NAV2: variants seen among roughly 807,000 people sequenced by gnomAD.
The protein encoded by NAV2 is neuron navigator 2, also known as helicase, APC down-regulated 1.
Under a neutral mutation model 223.2 loss-of-function variants are expected in NAV2, and 54 were observed. The ratio of observed to expected loss-of-function variants is 0.24; its 90% confidence interval spans 0.19 to 0.30. The LOEUF (loss-of-function observed/expected upper bound fraction) is 0.30, where lower values mean the gene tolerates loss of function less well. NAV2 is among the 10% of genes least tolerant of loss of function. The pLI is 1.00. For synonymous variants in NAV2, 1,279 were observed against 1,239.3 expected (o/e 1.03, Z -0.67); for missense variants, 2,806 against 3,147.5 (o/e 0.89, Z 2.60).
At chr11:19,991,780 T>C (rs1000470186) in intron 11 of NAV2, among the ~76,000 whole-genome samples, 5 of 152,110 alleles carry the variant, frequency 3.3e-5, no homozygotes, top group African/African-American at 4.8e-5. Flanking sequence ...TTGTCCTTGC[T>C]TTTCCCTCCT....
chr11:20,001,958 G>C (rs10833219), intron 11 of NAV2, among the ~76,000 whole-genome samples: 10,462 of 152,198 alleles, frequency 0.069, 482 homozygotes, highest in East Asian at 0.14. Context: ...CACACATTGT[G>C]TGGCTATAAG....
intron 1 of NAV2, among the ~76,000 whole-genome samples, chr11:19,551,220 T>C (rs1219730683): frequency 1.3e-5 from 2 of 152,266 alleles, no homozygotes; most frequent in Non-Finnish European, 2.9e-5. Flanking sequence ...TTTACTACAA[T>C]TTATGCAAGA....
At chr11:19,852,205 G>A (rs1157573383) in intron 3 of NAV2, among the ~76,000 whole-genome samples, 1 of 152,210 alleles carries the variant, frequency 6.6e-6, no homozygotes, top group Non-Finnish European at 1.5e-5. Context: ...ATTTGTTGCA[G>A]CAGCAATAGG....
intron 1 of NAV2, among the ~76,000 whole-genome samples, chr11:19,375,850 T>C (rs1412441764): frequency 6.6e-6 from 1 of 152,202 alleles, no homozygotes; most frequent in Admixed American, 6.5e-5. Flanking sequence ...GTGTTTACGA[T>C]CATTTTATTA....
intron 22 of NAV2, among the ~76,000 whole-genome samples, chr11:20,074,922 G>A (rs1336690350): frequency 2.0e-5 from 3 of 151,934 alleles, no homozygotes. Flanking sequence ...TTTTGATTGG[G>A]GCATTTAGCC....
At chr11:19,460,443 AC>A (rs1252820538) in intron 1 of NAV2, among the ~76,000 whole-genome samples, 1 of 152,226 alleles carries the variant, frequency 6.6e-6, no homozygotes, top group African/African-American at 2.4e-5. Flanking sequence ...CCCACCTGGC[AC>A]ATGGTGGGTG....
chr11:19,787,103 T>G (rs921066985), intron 1 of NAV2, among the ~76,000 whole-genome samples: 8 of 151,962 alleles, frequency 5.3e-5, no homozygotes, highest in Non-Finnish European at 1.5e-5. Flanking sequence ...TTATTTTATT[T>G]TTTTTGAGAT....
intron 1 of NAV2, among the ~76,000 whole-genome samples, chr11:19,600,470 C>T (rs775039359): frequency 3.3e-5 from 5 of 152,236 alleles, no homozygotes; most frequent in Non-Finnish European, 7.3e-5. Context: ...CCTATAACCT[C>T]TAGCCAGTTA....
intron 1 of NAV2, among the ~76,000 whole-genome samples, chr11:19,438,194 A>G (rs1431143879): frequency 2.0e-5 from 3 of 152,176 alleles, no homozygotes; most frequent in Admixed American, 6.5e-5. Flanking sequence ...TTGTGCTTTA[A>G]TGTGCACCAA....
At chr11:19,465,775 A>G (rs1415765766) in intron 1 of NAV2, among the ~76,000 whole-genome samples, 1 of 152,242 alleles carries the variant, frequency 6.6e-6, no homozygotes, top group Non-Finnish European at 1.5e-5. Context: ...TCCTTTTTAC[A>G]GTTGGGGAAA....
chr11:19,865,515 T>C (rs1401279233), intron 3 of NAV2, among the ~76,000 whole-genome samples: 2 of 152,182 alleles, frequency 1.3e-5, no homozygotes, highest in African/African-American at 4.8e-5. Context: ...ACTCTCTTCC[T>C]GGGGTGCAGA....
At chr11:19,712,604 G>A (rs1374541891), upstream of NAV2, 2 of 152,262 alleles carry the variant, frequency 1.3e-5, no homozygotes, top group Non-Finnish European at 2.9e-5. Flanking sequence ...CAGGAACGCA[G>A]GGGTGTGGGC....
At chr11:19,752,702 T>C (rs960860757) in intron 1 of NAV2, among the ~76,000 whole-genome samples, 4 of 152,198 alleles carry the variant, frequency 2.6e-5, no homozygotes, top group Non-Finnish European at 4.4e-5. Flanking sequence ...GTATAACTCA[T>C]TCCTGACCAT....
intron 1 of NAV2, among the ~76,000 whole-genome samples, chr11:19,425,181 T>C (rs1266980206): frequency 1.3e-5 from 2 of 152,294 alleles, no homozygotes; most frequent in East Asian, 3.9e-4. Flanking sequence ...GAAGAGATTG[T>C]TTATAGAAAA....
rs752882204 is a variant in NAV2, at chr11:20,045,005, G to A, written c.3237G>A (p.Arg1079=). 2.5e-6 allele frequency: 4 copies of A among 1,613,358 alleles called. No homozygotes were observed. Among genetic ancestry groups the A allele is most frequent in the Admixed American group, 3.3e-5 (2 of 59,840 alleles). Residue 1079 remains arginine, a synonymous_variant, in exon 14 of 38, where the codon AGG becomes AGA. Transcript: ENST00000349880. The stretch of plus-strand genomic sequence containing the variant: ...ACGCAAAGGTGTCTGAGAAAGGAAG[G>A]CTTTCTCCTAAAGCCTCCCAGGTGA... ...TDDAKVSEKG[R]LSPKASQVKR...
chr11:19,371,070 G>C (rs745889999), intron 1 of NAV2, among the ~76,000 whole-genome samples: 1 of 152,178 alleles, frequency 6.6e-6, no homozygotes, highest in Non-Finnish European at 1.5e-5. Flanking sequence ...CACAGCAGCA[G>C]GTTAGCCTCT....
At chr11:19,716,286 A>G (rs2050305075) in intron 1 of NAV2, among the ~76,000 whole-genome samples, 1 of 152,196 alleles carries the variant, frequency 6.6e-6, no homozygotes, top group Non-Finnish European at 1.5e-5. Flanking sequence ...TCAGATGGGT[A>G]TCGCTGGTGT....
chr11:19,779,406 G>T (rs2056563310), intron 1 of NAV2, among the ~76,000 whole-genome samples: 1 of 152,222 alleles, frequency 6.6e-6, no homozygotes, highest in South Asian at 2.1e-4. Context: ...GTGAATGCTA[G>T]AAACCACTGA....
intron 1 of NAV2, among the ~76,000 whole-genome samples, chr11:19,751,712 T>A (rs921589060): frequency 6.6e-6 from 1 of 152,236 alleles, no homozygotes; most frequent in African/African-American, 2.4e-5. Context: ...TATCACTACC[T>A]GTTTTCAAAG....
Sources: gnomAD v4.1 joint callset for allele counts (sites outside exome capture counted in the v4.1 genomes callset) on GRCh38, gnomAD v4.1.1 for gene constraint, MANE v1.5 for transcripts, NCBI Gene and HGNC (gene_info 2026-07-23, HGNC 2026-07-21) for gene names.